The following CDK14 variants were observed in gnomAD, a reference collection of about 807,000 sequenced individuals.
CDK14 encodes cyclin-dependent kinase 14.
Under a neutral mutation model 60.7 loss-of-function variants are expected in CDK14, and 34 were observed. The observed-to-expected ratio is 0.56, with a 90% CI of 0.43 to 0.75. The LOEUF is 0.75. Among genes scored for constraint, CDK14 ranks in the 30% least tolerant of loss-of-function variants. The pLI is 0.00. For synonymous variants in CDK14, 197 were observed against 203.7 expected, an observed-to-expected ratio of 0.97 and a Z score of 0.28; for missense variants, 482 against 564.1, an observed-to-expected ratio of 0.85 and a Z score of 1.47.
At chr7:90,912,822 G>T (rs1178218983) in intron 7 of CDK14, among the ~76,000 whole-genome samples, 1 of 152,012 alleles carries the variant, frequency 6.6e-6, no homozygotes, top group East Asian at 1.9e-4. Context: ...ATGTTGTCTA[G>T]GCTGGTCTTG....
intron 14 of CDK14, among the ~76,000 whole-genome samples, chr7:91,176,851 T>C (rs1801779743): frequency 6.6e-6 from 1 of 152,096 alleles, no homozygotes; most frequent in African/African-American, 2.4e-5. Flanking sequence ...CAGGACCAGA[T>C]GGATTCACAG....
At chr7:90,701,105 C>A (rs906781129) in intron 2 of CDK14, among the ~76,000 whole-genome samples, 1 of 152,172 alleles carries the variant, frequency 6.6e-6, no homozygotes, top group Non-Finnish European at 1.5e-5. Context: ...TTTTTAATAA[C>A]CCTTTTTCCT....
intron 5 of CDK14, among the ~76,000 whole-genome samples, chr7:90,846,937 T>A (rs945934929): frequency 6.6e-6 from 1 of 152,176 alleles, no homozygotes; most frequent in African/African-American, 2.4e-5. Context: ...CCCAAAGCTC[T>A]CCTGTGTGGA....
At chr7:90,900,135 C>T (rs1228658045) in intron 7 of CDK14, among the ~76,000 whole-genome samples, 4 of 152,198 alleles carry the variant, frequency 2.6e-5, no homozygotes, top group South Asian at 4.1e-4. Context: ...ATACCATAGT[C>T]GAATCACCTG....
chr7:91,033,770 G>A (rs756223008), intron 10 of CDK14, among the ~76,000 whole-genome samples: 15 of 152,188 alleles, frequency 9.9e-5, no homozygotes, highest in Admixed American at 2.6e-4. Flanking sequence ...GCTGCTGCAC[G>A]TGCACGTACA....
intron 3 of CDK14, among the ~76,000 whole-genome samples, chr7:90,746,727 G>A (rs374714134): frequency 6.6e-6 from 1 of 152,168 alleles, no homozygotes; most frequent in South Asian, 2.1e-4. Context: ...TGGGGTGGGA[G>A]TTGAGTACAA....
chr7:91,001,388 G>T (rs1310972430), intron 10 of CDK14, among the ~76,000 whole-genome samples: 1 of 152,140 alleles, frequency 6.6e-6, no homozygotes, highest in East Asian at 1.9e-4. Context: ...GATAATAGCA[G>T]CCTGTCGCTT....
At chr7:91,024,951 A>T (rs542984240) in intron 10 of CDK14, among the ~76,000 whole-genome samples, 9 of 152,164 alleles carry the variant, frequency 5.9e-5, no homozygotes, top group African/African-American at 1.9e-4. Flanking sequence ...TGATTCCCTT[A>T]CTCCAAATGC....
intron 11 of CDK14, among the ~76,000 whole-genome samples, chr7:91,064,946 C>T (rs1056183265): frequency 2.0e-4 from 30 of 152,146 alleles, no homozygotes; most frequent in African/African-American, 7.2e-4. Context: ...GAGAAGTAGT[C>T]TATGACTTTT....
At chr7:91,197,401 C>CA (rs11344173) in intron 14 of CDK14, among the ~76,000 whole-genome samples, 2,163 of 120,108 alleles carry the variant, frequency 0.018, 54 homozygotes, top group African/African-American at 0.066. Context: ...GACTCTGTCT[C>CA]AAAAAAAAAA....
Position 90,963,659 on chromosome 7 carries a change from G to A in CDK14, c.947+7842G>A, listed in dbSNP as rs1794668204. On this transcript the variant is annotated intron_variant, in intron 9 of 14. Transcript: ENST00000380050. Reference sequence around the variant, plus strand: ...CCGTAATAAATTATGTGCGTATTGAGGGAGGTGAAGGAAGACAAAGGTTTT... The same window carrying A: ...CCGTAATAAATTATGTGCGTATTGAAGGAGGTGAAGGAAGACAAAGGTTTT... Among the ~76,000 whole-genome samples the A allele has an allele frequency of 2.6e-5, 4 of 151,260 alleles. No homozygotes were observed. In the South Asian group the frequency reaches 8.4e-4, roughly 32 times the overall value.
chr7:91,103,859 AGAGAGAGAGT>A (rs1010960800), intron 12 of CDK14, among the ~76,000 whole-genome samples: 5 of 152,098 alleles, frequency 3.3e-5, no homozygotes, highest in African/African-American at 1.2e-4. Context: ...AGAGAGAGAG[AGAGAGAGAGT>A]GTGTATTGCA....
chr7:91,202,912 A>G (rs17350639), intron 14 of CDK14, among the ~76,000 whole-genome samples: 26,229 of 152,212 alleles, frequency 0.17, 2,364 homozygotes, highest in East Asian at 0.3. Flanking sequence ...AATTCTGTTT[A>G]TGCCCTAGGT....
Position 90,610,364 on chromosome 7 carries a change from G to A in CDK14, c.123+6115G>A, listed in dbSNP as rs555549045. 6.6e-5 allele frequency among the ~76,000 whole-genome samples: 10 copies of A among 152,262 alleles called. No individual in the cohort carries two copies. In the South Asian group the frequency reaches 8.3e-4, roughly 13 times the overall value. On this transcript the variant is annotated intron_variant, in intron 2 of 14. Coordinates refer to ENST00000380050, the MANE Select transcript of CDK14 (RefSeq NM_001287135.2). ...TATCATTTCCATCCTTAGCTGGAAC[G>A]TCAGGCAACTGTGGACCATCTTGCA...
chr7:90,982,244 A>T lies in CDK14; in HGVS notation c.948-1904A>T, dbSNP rs1469646744. 5.3e-5 allele frequency among the ~76,000 whole-genome samples: 8 copies of T among 152,364 alleles called. No homozygotes were observed. The South Asian group carries it at 1.7e-3, about 32-fold the overall frequency. Reference sequence around the variant, plus strand: ...GTCTGCTGAAAGATCCATGAAAGGCATCACAGAGGAGATGCATTTAAACAG... The same window carrying T: ...GTCTGCTGAAAGATCCATGAAAGGCTTCACAGAGGAGATGCATTTAAACAG... On this transcript the variant is annotated intron_variant, in intron 9 of 14. Transcript: ENST00000380050.
At chr7:90,662,609 T>A (rs1800886797) in intron 2 of CDK14, among the ~76,000 whole-genome samples, 1 of 152,262 alleles carries the variant, frequency 6.6e-6, no homozygotes, top group Non-Finnish European at 1.5e-5. Flanking sequence ...AAATCACATT[T>A]ACTTCCTCAC....
chr7:90,747,326 A>G (rs1009622975), intron 3 of CDK14, among the ~76,000 whole-genome samples: 1 of 152,152 alleles, frequency 6.6e-6, no homozygotes, highest in Non-Finnish European at 1.5e-5. Context: ...TTCATAATTG[A>G]TTGAATAAAA....
chr7:90,883,357 A>G (rs2117292181), intron 6 of CDK14, among the ~76,000 whole-genome samples: 1 of 152,330 alleles, frequency 6.6e-6, no homozygotes, highest in East Asian at 1.9e-4. Context: ...GAAGAAATGG[A>G]TAAATCCCTG....
chr7:90,687,538 ATAAT>A (rs1052955025), intron 2 of CDK14, among the ~76,000 whole-genome samples: 14 of 152,114 alleles, frequency 9.2e-5, no homozygotes, highest in African/African-American at 2.9e-4. Flanking sequence ...GAAAGGAGAA[ATAAT>A]TAAGGGATAT....
Sources: gnomAD v4.1 joint callset for allele counts (sites outside exome capture counted in the v4.1 genomes callset) on GRCh38, gnomAD v4.1.1 for gene constraint, MANE v1.5 for transcripts, NCBI Gene and HGNC (gene_info 2026-07-23, HGNC 2026-07-21) for gene names.